Variants in KAZN observed in about 807,000 individuals in gnomAD.
KAZN encodes kazrin, periplakin interacting protein, also known as kazrin.
In KAZN, 40 loss-of-function variants were observed where a neutral mutation model predicts 87.4. That is an observed-to-expected ratio of 0.46 (90% CI 0.36 to 0.60). The LOEUF (loss-of-function observed/expected upper bound fraction) is 0.60, where lower values mean the gene tolerates loss of function less well. Ranked by LOEUF, KAZN falls within the 20% of genes least tolerant of loss-of-function variation. KAZN has a pLI of 0.00. For missense variants in KAZN, 898 were observed against 1,073.9 expected (o/e 0.84, Z 2.29); for synonymous variants, 466 against 458.3 (o/e 1.02, Z -0.22).
chr1:14,678,766 C>G (rs556896745), intron 1 of KAZN, among the ~76,000 whole-genome samples: 1 of 152,266 alleles, frequency 6.6e-6, no homozygotes, highest in East Asian at 1.9e-4. Flanking sequence ...TGCTATGGCC[C>G]TACTCTTTGC....
At position 14,760,769 on chromosome 1, in the gene KAZN, C is replaced by T. The variant is rs531503873; in HGVS notation, c.226+161546C>T. On this transcript the variant is annotated intron_variant, in intron 1 of 14. Coordinates refer to ENST00000376030, the MANE Select transcript of KAZN (RefSeq NM_201628.3). Reference sequence around the variant, plus strand: ...AGGAGTTTGAGCCCAGCCTGGACAACATAGCAAGACCTCGTCTCTACAAAT... The same window carrying T: ...AGGAGTTTGAGCCCAGCCTGGACAATATAGCAAGACCTCGTCTCTACAAAT... Among the ~76,000 whole-genome samples, 12 of 152,306 alleles carry T rather than the reference C, an allele frequency of 7.9e-5. No homozygotes were observed. The South Asian group carries it at 2.1e-3, about 26-fold the overall frequency.
intron 1 of KAZN, among the ~76,000 whole-genome samples, chr1:13,973,380 T>G (rs1437500867): frequency 6.6e-6 from 1 of 152,114 alleles, no homozygotes; most frequent in Non-Finnish European, 1.5e-5. Flanking sequence ...TACTTTCAGG[T>G]GTCTAGTTGG....
chr1:14,141,776 G>C (rs1309824007), intron 1 of KAZN, among the ~76,000 whole-genome samples: 1 of 152,112 alleles, frequency 6.6e-6, no homozygotes, highest in African/African-American at 2.4e-5. Flanking sequence ...ATTTTTTTAA[G>C]GTCCTGGAGA....
At chr1:14,573,846 G>A (rs1254602647) in intron 2 of KAZN, among the ~76,000 whole-genome samples, 1 of 151,794 alleles carries the variant, frequency 6.6e-6, no homozygotes, top group African/African-American at 2.4e-5. Context: ...GAGAAATTCA[G>A]GCATATGAAT....
intron 1 of KAZN, among the ~76,000 whole-genome samples, chr1:13,928,266 T>C (rs1192414964): frequency 6.6e-6 from 1 of 152,218 alleles, no homozygotes; most frequent in Non-Finnish European, 1.5e-5. Context: ...TTGTGTTACT[T>C]CCTTTTGCTG....
chr1:15,032,747 G>C (rs1208888601), intron 2 of KAZN, among the ~76,000 whole-genome samples: 1 of 151,982 alleles, frequency 6.6e-6, no homozygotes, highest in African/African-American at 2.4e-5. Flanking sequence ...TCAGGAGTTC[G>C]AGACCAGCCT....
chr1:14,979,429 A>G (rs2311971), intron 2 of KAZN, among the ~76,000 whole-genome samples: 88,004 of 151,696 alleles, frequency 0.58, 28,948 homozygotes, highest in African/African-American at 0.9. Flanking sequence ...AATAAATAAG[A>G]ACAAATATAA....
intron 1 of KAZN, among the ~76,000 whole-genome samples, chr1:14,863,535 T>C (rs1352210778): frequency 6.6e-6 from 1 of 152,214 alleles, no homozygotes; most frequent in Non-Finnish European, 1.5e-5. Context: ...TCTGTTTACT[T>C]TTCAAACACT....
At chr1:14,748,982 C>A (rs978863504) in intron 1 of KAZN, among the ~76,000 whole-genome samples, 7 of 152,178 alleles carry the variant, frequency 4.6e-5, no homozygotes, top group Middle Eastern at 3.2e-3. Context: ...AAGAAAAAGA[C>A]CACAAAGTAA....
intron 6 of KAZN, chr1:15,061,342 A>T (rs1286772519): frequency 6.6e-6 from 1 of 152,194 alleles, no homozygotes; most frequent in Non-Finnish European, 1.5e-5. Flanking sequence ...CACAATAATG[A>T]AAAGTGCTTA....
chr1:14,874,455 T>C (rs1442618227), intron 1 of KAZN, among the ~76,000 whole-genome samples: 1 of 149,388 alleles, frequency 6.7e-6, no homozygotes, highest in Non-Finnish European at 1.5e-5. Context: ...CATGAATCGC[T>C]AGCTAGCTGG....
chr1:14,062,278 G>A (rs1347028532), intron 1 of KAZN, among the ~76,000 whole-genome samples: 3 of 152,156 alleles, frequency 2.0e-5, no homozygotes, highest in Admixed American at 6.6e-5. Context: ...AGTGGTAACC[G>A]TTGTTCCTGG....
At position 14,695,510 on chromosome 1, in the gene KAZN, C is replaced by CTTTTTTTTTTTTTTT. The variant is rs112667110; in HGVS notation, c.226+96288_226+96302dup. Reference sequence around the variant, plus strand: ...CCTCTTTCCCCAGACTACATTCCATCTTTTTTTTTTTTTTTGATGGAGTCT... The same window carrying CTTTTTTTTTTTTTTT: ...CCTCTTTCCCCAGACTACATTCCATCTTTTTTTTTTTTTTTTTTTTTTTTTTTTTTGATGGAGTCT... On this transcript the variant is annotated intron_variant, in intron 1 of 14. Coordinates refer to ENST00000376030, the MANE Select transcript of KAZN (RefSeq NM_201628.3). 1.8e-3 allele frequency among the ~76,000 whole-genome samples: 150 copies of CTTTTTTTTTTTTTTT among 85,006 alleles called. 27 individuals are homozygous for CTTTTTTTTTTTTTTT. The highest frequency in any genetic ancestry group is 4.9e-3 in the East Asian group (13 of 2,642). The allele number at this position is 85,006 out of a possible 152,430, so 55.8% of individuals were successfully genotyped here.
intron 1 of KAZN, among the ~76,000 whole-genome samples, chr1:14,012,334 T>C (rs532527252): frequency 6.6e-6 from 1 of 152,356 alleles, no homozygotes; most frequent in South Asian, 2.1e-4. Flanking sequence ...TCATGGTGAT[T>C]CTTCATATTT....
At chr1:14,185,988 C>G (rs924928476) in intron 2 of KAZN, among the ~76,000 whole-genome samples, 2 of 152,118 alleles carry the variant, frequency 1.3e-5, no homozygotes, top group African/African-American at 4.8e-5. Context: ...GATTTCCATT[C>G]ATTGTATTCT....
In KAZN at chr1:15,063,601, C is replaced by A. The variant is rs145575894; in HGVS notation, c.1077C>A (p.Asn359Lys). Residue 359 changes from asparagine (N) to lysine (K), a missense_variant, in exon 7 of 15, where the codon AAC (asparagine) becomes AAA (lysine). Coordinates refer to ENST00000376030, the MANE Select transcript of KAZN (RefSeq NM_201628.3). ...NGDSPGPVQK[N>K]LHNPIVQSLE... ...ACAGTCCCGGCCCAGTTCAGAAGAA[C>A]CTGCACAACCCTATTGTACAGGTAG... 4 of 1,614,148 alleles carry A rather than the reference C, an allele frequency of 2.5e-6. No homozygotes were observed. Among genetic ancestry groups the A allele is most frequent in the South Asian group, 1.1e-5 (1 of 91,088 alleles).
chr1:14,610,650 C>A (rs1223997427), intron 1 of KAZN, among the ~76,000 whole-genome samples: 1 of 150,812 alleles, frequency 6.6e-6, no homozygotes, highest in Non-Finnish European at 1.5e-5. Flanking sequence ...ATTTCAGTGG[C>A]CTAGATCTGA....
Position 14,350,916 on chromosome 1 carries a change from T to C in KAZN, c.249+170324T>C, listed in dbSNP as rs1571362842. On this transcript the variant is annotated intron_variant, in intron 2 of 16. Transcript: ENST00000636203. Reference sequence around the variant, plus strand: ...TCATGAACATTTGATGTCCCCTGAGTGGCAGGCGTCTGTTGCACATTGAAA... The same window carrying C: ...TCATGAACATTTGATGTCCCCTGAGCGGCAGGCGTCTGTTGCACATTGAAA... 3.9e-5 allele frequency: 6 copies of C among 152,376 alleles called. 1 individual carries two copies. In the South Asian group the frequency reaches 1.2e-3, roughly 32 times the overall value. The allele number at this position is 152,376 out of a possible 1,614,324, so 9.4% of individuals were successfully genotyped here.
Position 14,607,206 on chromosome 1 carries a change from A to G in KAZN, c.226+7983A>G, listed in dbSNP as rs182443626. ...GATTTTAATTGAGTGCTTACATACC[A>G]TATAACAAGCACTGTTTCAAATTCT... On this transcript the variant is annotated intron_variant, in intron 1 of 14. Transcript: ENST00000376030. Among the ~76,000 whole-genome samples, 390 of 152,368 alleles carry G rather than the reference A, an allele frequency of 2.6e-3. 6 individuals are homozygous for G. Among genetic ancestry groups the G allele is most frequent in the Non-Finnish European group, 7.6e-4 (52 of 68,042 alleles).
Sources: allele counts gnomAD v4.1 joint callset (sites outside exome capture counted in the v4.1 genomes callset), GRCh38; gene constraint gnomAD v4.1.1; transcripts MANE v1.5; gene names NCBI Gene and HGNC (gene_info 2026-07-23, HGNC 2026-07-21).